The following BAZ2B variants were observed in gnomAD, a reference collection of about 807,000 sequenced individuals.
BAZ2B encodes the protein bromodomain adjacent to zinc finger domain 2B, also known as bromodomain adjacent to zinc finger domain protein 2B.
BAZ2B carries 91 observed loss-of-function variants against 246.0 expected under a neutral mutation model. The ratio of observed to expected loss-of-function variants is 0.37; its 90% CI spans 0.31 to 0.44. The LOEUF is 0.44. Among genes scored for constraint, BAZ2B ranks in the 20% least tolerant of loss-of-function variants. The pLI is 1.00. For synonymous variants in BAZ2B, 855 were observed against 860.0 expected, an observed-to-expected ratio of 0.99 and a Z score of 0.10; for missense variants, 2,332 against 2,533.7, an observed-to-expected ratio of 0.92 and a Z score of 1.71.
chr2:159,547,046 G>A (rs1300643374), intron 2 of BAZ2B, among the ~76,000 whole-genome samples: 1 of 152,044 alleles, frequency 6.6e-6, no homozygotes, highest in African/African-American at 2.4e-5. Context: ...AAGACACACA[G>A]GAAATATTCA....
At chr2:159,466,272 A>G (rs986160) in intron 3 of BAZ2B, among the ~76,000 whole-genome samples, 74,681 of 152,058 alleles carry the variant, frequency 0.49, 20,270 homozygotes, top group Middle Eastern at 0.75. Flanking sequence ...TCACTTGATT[A>G]TTACCAGAGC....
chr2:159,604,538 A>C (rs553489656), intron 1 of BAZ2B, among the ~76,000 whole-genome samples: 1 of 152,370 alleles, frequency 6.6e-6, no homozygotes, highest in Non-Finnish European at 1.5e-5. Flanking sequence ...CTTATCAAAG[A>C]AGCATAGTTT....
the BAZ2B span, among the ~76,000 whole-genome samples, chr2:159,663,387 G>C: frequency 6.6e-6 from 1 of 151,560 alleles, no homozygotes; most frequent in Non-Finnish European, 1.5e-5. Context: ...GTTTTTAGTA[G>C]AGATGCAGTT....
At position 159,349,271 on chromosome 2, in the gene BAZ2B, C is replaced by T. The variant is rs755080794; in HGVS notation, c.4873G>A (p.Gly1625Arg). Residue 1625 changes from glycine (G) to arginine (R), a missense_variant, in exon 29 of 37, where the codon GGA becomes AGA. Coordinates refer to ENST00000392783, the MANE Select transcript of BAZ2B (RefSeq NM_013450.4). ...AACTGAAGTCCCATCATAGATACTC[C>T]ACCTTTCACCTGCAAAAAGAAAACA... is the stretch of plus-strand genomic sequence containing the variant. ...FALSPLQVKG[G>R]VSMMGLQFCG... 1 of 1,588,250 alleles carries T rather than the reference C, an allele frequency of 6.3e-7. No individual in the cohort carries two copies. The highest frequency in any genetic ancestry group is 1.2e-5 in the South Asian group (1 of 86,678).
intron 19 of BAZ2B, 37 bp downstream of exon 19, chr2:159,397,308 G>A: frequency 7.0e-7 from 1 of 1,431,314 alleles, no homozygotes; most frequent in Non-Finnish European, 9.6e-7. Context: ...ATTATAAAAT[G>A]TACATTCAAC....
At chr2:159,406,948 G>T (rs1206064499) in intron 14 of BAZ2B, among the ~76,000 whole-genome samples, 1 of 151,684 alleles carries the variant, frequency 6.6e-6, no homozygotes, top group East Asian at 2.0e-4. Flanking sequence ...TAGAGACGGG[G>T]TTTCACCGTG....
At position 159,453,673 on chromosome 2, in the gene BAZ2B, A is replaced by T. The variant is rs2075366642; in HGVS notation, c.274T>A (p.Leu92Met). ...GCTGTGGGTGTACCAAGTGTCCCCAAACCACCAAATTCTGAATGCCCTGAG... is the reference window on the plus strand; with the variant it reads ...GCTGTGGGTGTACCAAGTGTCCCCATACCACCAAATTCTGAATGCCCTGAG... ...ASSGHSEFGGLGTLGTPTALA... is the reference protein window; with the variant it reads ...ASSGHSEFGGMGTLGTPTALA... Residue 92 changes from leucine (L) to methionine (M), a missense_variant, in exon 4 of 37, where the codon TTG (leucine) becomes ATG (methionine). Leu to Met is a conservative substitution (Grantham distance 15). Transcript: ENST00000392783. The T allele has an allele frequency of 2.5e-6, 4 of 1,613,526 alleles. No individual in the cohort carries two copies. The Middle Eastern group carries it at 5.0e-4, about 200-fold the overall frequency.
intron 3 of BAZ2B, chr2:159,462,710 G>A: frequency 6.5e-6 from 9 of 1,391,878 alleles, no homozygotes; most frequent in Non-Finnish European, 9.2e-6. Flanking sequence ...TGTAGGTGGT[G>A]TGATGGTAAA....
chr2:159,622,665 A>C, the BAZ2B span, among the ~76,000 whole-genome samples: 1 of 152,208 alleles, frequency 6.6e-6, no homozygotes, highest in African/African-American at 2.4e-5. Context: ...AGAGAAGAAA[A>C]AGACTAACAA....
At chr2:159,587,769 G>T (rs765765927) in intron 1 of BAZ2B, among the ~76,000 whole-genome samples, 1 of 152,004 alleles carries the variant, frequency 6.6e-6, no homozygotes, top group Non-Finnish European at 1.5e-5. Flanking sequence ...ACTAGTCTGC[G>T]AACAGAAAGA....
intron 27 of BAZ2B, among the ~76,000 whole-genome samples, chr2:159,362,298 C>T (rs1003195328): frequency 6.6e-6 from 1 of 152,162 alleles, no homozygotes; most frequent in African/African-American, 2.4e-5. Flanking sequence ...CCTATGTAGA[C>T]TTTGACCCTT....
At chr2:159,548,739 C>G (rs1344686206) in intron 2 of BAZ2B, among the ~76,000 whole-genome samples, 1 of 152,090 alleles carries the variant, frequency 6.6e-6, no homozygotes, top group Non-Finnish European at 1.5e-5. Flanking sequence ...TTTGAGGTTC[C>G]AGTGAGCTAT....
the BAZ2B span, among the ~76,000 whole-genome samples, chr2:159,701,327 T>A: frequency 6.6e-6 from 1 of 152,086 alleles, no homozygotes; most frequent in Non-Finnish European, 1.5e-5. Context: ...TGTTCTTTTT[T>A]TATTTTTCTT....
chr2:159,537,626 C>G (rs1039589060), intron 2 of BAZ2B, among the ~76,000 whole-genome samples: 1 of 152,192 alleles, frequency 6.6e-6, no homozygotes, highest in African/African-American at 2.4e-5. Context: ...AATTGCTGAG[C>G]CTTTCGGAGT....
the BAZ2B span, among the ~76,000 whole-genome samples, chr2:159,660,846 C>T: frequency 1.3e-5 from 2 of 152,164 alleles, no homozygotes; most frequent in Non-Finnish European, 2.9e-5. Context: ...AATCCACCCA[C>T]CTCGGCCTCC....
chr2:159,337,014 A>G lies in BAZ2B; in HGVS notation c.5724T>C (p.Ser1908=). The G allele has an allele frequency of 6.2e-7, 1 of 1,610,866 alleles. No individual in the cohort carries two copies. Among genetic ancestry groups the G allele is most frequent in the South Asian group, 1.1e-5 (1 of 91,020 alleles). Residue 1908 remains serine, a synonymous_variant, in exon 33 of 37, where the codon AGT becomes AGC. Transcript: ENST00000392783. ...VWRRALSEAR[S]AAQVALCIQQ... Reference sequence around the variant, plus strand: ...GAATGCACAGAGCTACCTGTGCAGCACTGCGAGCTTCTGATAATGCCCTTC... The same window carrying G: ...GAATGCACAGAGCTACCTGTGCAGCGCTGCGAGCTTCTGATAATGCCCTTC...
intron 1 of BAZ2B, among the ~76,000 whole-genome samples, chr2:159,577,341 C>T (rs1390006787): frequency 6.6e-6 from 1 of 152,088 alleles, no homozygotes; most frequent in Non-Finnish European, 1.5e-5. Context: ...TGTATATTTA[C>T]AGGGAAGAGC....
intron 13 of BAZ2B, among the ~76,000 whole-genome samples, chr2:159,423,314 T>TAAACAAACAAATAAAC (rs1553603533): frequency 6.6e-6 from 1 of 151,092 alleles, no homozygotes; most frequent in Non-Finnish European, 1.5e-5. Flanking sequence ...AGACTCTATC[T>TAAACAAACAAATAAAC]AAACAAACAA....
chr2:159,406,567 C>G (rs1471290936), intron 14 of BAZ2B, among the ~76,000 whole-genome samples: 1 of 152,050 alleles, frequency 6.6e-6, no homozygotes, highest in Non-Finnish European at 1.5e-5. Flanking sequence ...TATAATATTA[C>G]TCATATAATC....
Sources: allele counts gnomAD v4.1 joint callset (sites outside exome capture counted in the v4.1 genomes callset), GRCh38; gene constraint gnomAD v4.1.1; transcripts MANE v1.5; gene names NCBI Gene and HGNC (gene_info 2026-07-23, HGNC 2026-07-21).